Variants in SLC22A23 observed in about 807,000 individuals in gnomAD.
SLC22A23 encodes the protein solute carrier family 22 member 23.
Under a neutral mutation model 61.0 loss-of-function variants are expected in SLC22A23, and 26 were observed. The observed-to-expected ratio is 0.43, with a 90% confidence interval of 0.31 to 0.59. The LOEUF (loss-of-function observed/expected upper bound fraction) is 0.59, where lower values mean the gene tolerates loss of function less well. Ranked by LOEUF, SLC22A23 falls within the 20% of genes least tolerant of loss-of-function variation. The probability of loss-of-function intolerance (pLI) is 0.11; values close to 1 mark genes in which losing one functional copy is unlikely to be tolerated. For synonymous variants in SLC22A23, 430 were observed against 413.9 expected (o/e 1.04, Z -0.47); for missense variants, 796 against 934.7 (o/e 0.85, Z 1.94).
At chr6:3,294,511 C>T (rs147595918) in intron 5 of SLC22A23, among the ~76,000 whole-genome samples, 3 of 152,302 alleles carry the variant, frequency 2.0e-5, no homozygotes, top group East Asian at 3.9e-4. Context: ...TGGTCCCGAG[C>T]ATTCTGGATA....
At chr6:3,294,710 T>C (rs552290203) in intron 5 of SLC22A23, among the ~76,000 whole-genome samples, 3 of 152,308 alleles carry the variant, frequency 2.0e-5, no homozygotes, top group East Asian at 1.9e-4. Flanking sequence ...GGGCACGTTA[T>C]GTGATATGAA....
Position 3,329,432 on chromosome 6 carries a change from T to C in SLC22A23, c.914-5430A>G, listed in dbSNP as rs2127407236. Among the ~76,000 whole-genome samples the C allele has an allele frequency of 6.6e-6, 1 of 152,358 alleles. No individual in the cohort carries two copies. Among genetic ancestry groups the C allele is most frequent in the South Asian group, 2.1e-4 (1 of 4,832 alleles). ...CTGAAATGAGAGTACAGGATTTTTC[T>C]GGACTGGAGTTGGCAAGTAACAAAG... On this transcript the variant is annotated intron_variant, in intron 3 of 9. Coordinates refer to ENST00000406686, the MANE Select transcript of SLC22A23 (RefSeq NM_015482.2). The surrounding 1 kb of genome is among the most constrained non-coding windows in gnomAD (Gnocchi z 4.8).
chr6:3,327,135 T>C lies in SLC22A23; in HGVS notation c.914-3133A>G, dbSNP rs1323681044. ...GCTGGGCTCTGCAAGCAGAAGCATT[T>C]GGTGCAGCAGCTCCCACACCTTGAA... On this transcript the variant is annotated intron_variant, in intron 3 of 9. Transcript: ENST00000406686. The surrounding 1 kb of genome is among the most constrained non-coding windows in gnomAD (Gnocchi z 4.1). Among the ~76,000 whole-genome samples, 1 of 152,054 alleles carries C rather than the reference T, an allele frequency of 6.6e-6. No individual in the cohort carries two copies.
intron 3 of SLC22A23, among the ~76,000 whole-genome samples, chr6:3,381,979 C>T (rs879773433): frequency 1.3e-5 from 2 of 152,170 alleles, no homozygotes; most frequent in African/African-American, 4.8e-5. Flanking sequence ...TGCAATGTTC[C>T]GCCTCACTTA....
At chr6:3,424,567 G>A (rs1770357303) in intron 1 of SLC22A23, among the ~76,000 whole-genome samples, 1 of 152,232 alleles carries the variant, frequency 6.6e-6, no homozygotes, top group South Asian at 2.1e-4. Context: ...CGGATCAGGA[G>A]ATCTGTGCCT....
rs542908594 is a variant in SLC22A23, at chr6:3,384,460, T to C, written c.913+25728A>G. Among the ~76,000 whole-genome samples the C allele has an allele frequency of 7.2e-5, 11 of 152,342 alleles. No homozygotes were observed. The East Asian group carries it at 9.6e-4, about 13-fold the overall frequency. Reference sequence around the variant, plus strand: ...AAATCACTTAAAAAACACATTTTCCTGGTGGCAAGAATAAACATGGAGGTA... The same window carrying C: ...AAATCACTTAAAAAACACATTTTCCCGGTGGCAAGAATAAACATGGAGGTA... On this transcript the variant is annotated intron_variant, in intron 3 of 9. Coordinates refer to ENST00000406686, the MANE Select transcript of SLC22A23 (RefSeq NM_015482.2).
chr6:3,428,204 G>A (rs576085096), intron 1 of SLC22A23, among the ~76,000 whole-genome samples: 110 of 152,350 alleles, frequency 7.2e-4, no homozygotes, highest in Non-Finnish European at 1.3e-3. Flanking sequence ...TGCCAAGGAG[G>A]CTGCAAAGCT....
chr6:3,337,703 G>C (rs1341758078), intron 3 of SLC22A23, among the ~76,000 whole-genome samples: 1 of 152,190 alleles, frequency 6.6e-6, no homozygotes, highest in African/African-American at 2.4e-5. Flanking sequence ...TGTGGCGACA[G>C]GCTCGCAGAG....
At chr6:3,384,496 C>T (rs1032972479) in intron 3 of SLC22A23, among the ~76,000 whole-genome samples, 1 of 152,068 alleles carries the variant, frequency 6.6e-6, no homozygotes, top group Non-Finnish European at 1.5e-5. Flanking sequence ...GATAATGATA[C>T]AAAGAAAATA....
In SLC22A23 at chr6:3,456,213, G is replaced by T; in HGVS notation, c.347C>A (p.Ser116Ter). Residue 116 changes from serine to a stop codon, truncating the protein, a stop_gained, in exon 1 of 10, where the codon TCG (serine) becomes TAG (stop). Transcript: ENST00000406686. LOFTEE classifies it high-confidence loss of function. The surrounding 1 kb of genome is among the most constrained non-coding windows in gnomAD (Gnocchi z 7.1). ...PALFIGFSQF[S>*]DSFLLDQPNF... ...GGGCTGGTCCAGGAGGAACGAGTCC[G>T]AGAACTGGCTGAAGCCGATGAACAG... The T allele has an allele frequency of 1.3e-6, 2 of 1,551,342 alleles. No homozygotes were observed. Among genetic ancestry groups the T allele is most frequent in the Non-Finnish European group, 1.7e-6 (2 of 1,146,862 alleles).
At chr6:3,368,276 C>T (rs1489780597) in intron 3 of SLC22A23, among the ~76,000 whole-genome samples, 1 of 152,234 alleles carries the variant, frequency 6.6e-6, no homozygotes, top group Non-Finnish European at 1.5e-5. Flanking sequence ...CCAGGCTTCC[C>T]CGCGAGGCCC....
intron 4 of SLC22A23, chr6:3,323,305 G>A (rs1561897742): frequency 2.2e-6 from 1 of 456,538 alleles, no homozygotes; most frequent in South Asian, 1.5e-5. Flanking sequence ...CCAGAAAGCA[G>A]CCACAGGTAA....
At chr6:3,294,618 T>A (rs78978747) in intron 5 of SLC22A23, among the ~76,000 whole-genome samples, 7 of 152,168 alleles carry the variant, frequency 4.6e-5, no homozygotes, top group Non-Finnish European at 2.9e-5. Flanking sequence ...CACGGCCACA[T>A]TGGGAACCAG....
At chr6:3,361,190 C>T (rs1305072256) in intron 3 of SLC22A23, among the ~76,000 whole-genome samples, 2 of 151,698 alleles carry the variant, frequency 1.3e-5, no homozygotes, top group East Asian at 1.9e-4. Context: ...ACCCCCTCAA[C>T]TGTCTTTCTA....
chr6:3,395,262 C>T (rs4959822), intron 3 of SLC22A23, among the ~76,000 whole-genome samples: 39,728 of 152,088 alleles, frequency 0.26, 5,769 homozygotes, highest in Middle Eastern at 0.38. Context: ...GATTTATACG[C>T]ACCAAAGGCC....
intron 2 of SLC22A23, among the ~76,000 whole-genome samples, chr6:3,411,896 T>C (rs892942080): frequency 6.6e-6 from 1 of 152,228 alleles, no homozygotes; most frequent in African/African-American, 2.4e-5. Context: ...GTAGCTGATT[T>C]TGTCCAAATC....
chr6:3,288,411 C>T (rs1171833984), intron 6 of SLC22A23, among the ~76,000 whole-genome samples: 1 of 152,248 alleles, frequency 6.6e-6, no homozygotes, highest in African/African-American at 2.4e-5. Flanking sequence ...GAATGCCTTT[C>T]CTCTTGGGAA....
rs2149439 is a variant in SLC22A23 at position 3,414,624 on chromosome 6, C to T, written c.758+1128G>A. ...CCAGGCACTTGCCTTGGCCAGCATT[C>T]TCAGTTAACTGAGGTGCAGAGGTCA... is the stretch of plus-strand genomic sequence containing the variant. On this transcript the variant is annotated intron_variant, in intron 2 of 9. Coordinates refer to ENST00000406686, the MANE Select transcript of SLC22A23 (RefSeq NM_015482.2). The surrounding 1 kb of genome is among the most constrained non-coding windows in gnomAD (Gnocchi z 5.1). Among the ~76,000 whole-genome samples, 2 of 148,596 alleles carry T rather than the reference C, an allele frequency of 1.3e-5. No homozygotes were observed. Among genetic ancestry groups the T allele is most frequent in the Admixed American group, 1.4e-4 (2 of 14,592 alleles).
In SLC22A23 at chr6:3,444,593, G is replaced by A. The variant is rs114909821; in HGVS notation, c.654+11313C>T. On this transcript the variant is annotated intron_variant, in intron 1 of 9. Coordinates refer to ENST00000406686, the MANE Select transcript of SLC22A23 (RefSeq NM_015482.2). Reference sequence around the variant, plus strand: ...TCTGGCCTGAGAACTCCAGGAGGCAGTGAAGCGCCAGGCAGAGCCCCACTC... The same window carrying A: ...TCTGGCCTGAGAACTCCAGGAGGCAATGAAGCGCCAGGCAGAGCCCCACTC... Among the ~76,000 whole-genome samples the A allele has an allele frequency of 9.6e-3, 1,469 of 152,338 alleles. 22 individuals carry two copies. Among genetic ancestry groups the A allele is most frequent in the African/African-American group, 0.034 (1,402 of 41,584 alleles).
Sources: gnomAD v4.1 joint callset for allele counts (sites outside exome capture counted in the v4.1 genomes callset) on GRCh38, gnomAD v4.1.1 for gene constraint, Gnocchi (gnomAD v3.1) non-coding constraint, MANE v1.5 for transcripts, NCBI Gene and HGNC (gene_info 2026-07-23, HGNC 2026-07-21) for gene names.